ASIC2: variants seen among roughly 807,000 people sequenced by gnomAD.
ASIC2 encodes the protein acid sensing ion channel subunit 2, also known as acid-sensing ion channel 2.
ASIC2 carries 25 observed loss-of-function variants against 57.3 expected under a neutral mutation model. The observed-to-expected ratio is 0.44, with a 90% CI of 0.32 to 0.61. The LOEUF (loss-of-function observed/expected upper bound fraction) is 0.61. Ranked by LOEUF, ASIC2 falls within the 20% of genes least tolerant of loss-of-function variation. The probability of loss-of-function intolerance (pLI) is 0.06; values close to 1 mark genes in which losing one functional copy is unlikely to be tolerated. For synonymous variants in ASIC2, 319 were observed against 307.5 expected (o/e 1.04, Z -0.39); for missense variants, 641 against 738.1 (o/e 0.87, Z 1.52).
intron 1 of ASIC2, among the ~76,000 whole-genome samples, chr17:33,238,653 T>C (rs1908386536): frequency 6.6e-6 from 1 of 152,172 alleles, no homozygotes; most frequent in African/African-American, 2.4e-5. Context: ...CTCAGGGCCT[T>C]TGCGTTTGCT....
At chr17:33,662,442 G>A (rs1327378854) in intron 1 of ASIC2, among the ~76,000 whole-genome samples, 1 of 151,018 alleles carries the variant, frequency 6.6e-6, no homozygotes, top group East Asian at 2.0e-4. Flanking sequence ...CCAACAAAGT[G>A]AAACCCCATC....
chr17:33,520,868 G>A (rs1009424256), intron 1 of ASIC2, among the ~76,000 whole-genome samples: 2 of 152,126 alleles, frequency 1.3e-5, no homozygotes, highest in African/African-American at 4.8e-5. Context: ...TGACATTCAG[G>A]CCCTGGGGTT....
At chr17:33,652,747 T>C (rs1438553460) in intron 1 of ASIC2, among the ~76,000 whole-genome samples, 1 of 152,238 alleles carries the variant, frequency 6.6e-6, no homozygotes, top group Admixed American at 6.5e-5. Context: ...TCAGGGAAGC[T>C]GCCGCCTTGG....
intron 1 of ASIC2, among the ~76,000 whole-genome samples, chr17:34,025,081 C>T (rs1247013720): frequency 6.6e-6 from 1 of 152,190 alleles, no homozygotes; most frequent in Non-Finnish European, 1.5e-5. Flanking sequence ...AAGGAAGCAA[C>T]ACTGCTCAGG....
intron 1 of ASIC2, among the ~76,000 whole-genome samples, chr17:33,627,636 T>C (rs1337887063): frequency 6.6e-6 from 1 of 152,252 alleles, no homozygotes; most frequent in Non-Finnish European, 1.5e-5. Flanking sequence ...AGCTTCCTGA[T>C]TCCTGTTAAG....
chr17:33,026,100 C>T (rs2091858369), intron 4 of ASIC2, 118 bp from the exon 5 acceptor site: 1 of 1,092,142 alleles, frequency 9.2e-7, no homozygotes, highest in African/African-American at 1.6e-5. Context: ...GGGCAGCGGC[C>T]TGCCAGTGGG....
intron 1 of ASIC2, among the ~76,000 whole-genome samples, chr17:33,220,967 G>C (rs945250043): frequency 4.6e-5 from 7 of 152,196 alleles, no homozygotes; most frequent in African/African-American, 1.4e-4. Context: ...AGCTACTCTG[G>C]AGGCTGAGGT....
chr17:33,142,890 C>T (rs537917803), intron 1 of ASIC2, among the ~76,000 whole-genome samples: 164 of 152,252 alleles, frequency 1.1e-3, no homozygotes, highest in Non-Finnish European at 2.0e-3. Flanking sequence ...TTGGTGTGGC[C>T]AGATGAAAGG....
chr17:33,729,038 G>T (rs985211856), intron 1 of ASIC2, among the ~76,000 whole-genome samples: 1 of 152,130 alleles, frequency 6.6e-6, no homozygotes, highest in Non-Finnish European at 1.5e-5. Flanking sequence ...GGAAGAAAAG[G>T]AAAATCACCT....
intron 1 of ASIC2, among the ~76,000 whole-genome samples, chr17:33,729,524 T>C (rs568611512): frequency 6.6e-6 from 1 of 152,274 alleles, no homozygotes; most frequent in African/African-American, 2.4e-5. Context: ...GATTCTGGAG[T>C]CTTCTAAGTG....
intron 1 of ASIC2, among the ~76,000 whole-genome samples, chr17:33,397,830 T>C (rs950078972): frequency 5.9e-5 from 9 of 152,246 alleles, no homozygotes; most frequent in African/African-American, 1.7e-4. Flanking sequence ...TTTGATTTGC[T>C]CTTCATGTTG....
chr17:34,041,900 T>C (rs1567798244), intron 1 of ASIC2, among the ~76,000 whole-genome samples: 1 of 152,214 alleles, frequency 6.6e-6, no homozygotes, highest in Non-Finnish European at 1.5e-5. Flanking sequence ...AACCTGATCA[T>C]GTCCCTTATG....
At chr17:33,466,873 C>T (rs1027418578) in intron 1 of ASIC2, among the ~76,000 whole-genome samples, 7 of 152,128 alleles carry the variant, frequency 4.6e-5, no homozygotes, top group Non-Finnish European at 8.8e-5. Flanking sequence ...AAATGTTAGA[C>T]CTAAAACCAT....
At position 34,156,348 on chromosome 17, in the gene ASIC2, T is replaced by C; in HGVS notation, c.185A>G (p.Glu62Gly). The C allele has an allele frequency of 6.2e-7, 1 of 1,614,150 alleles. No homozygotes were observed. Among genetic ancestry groups the C allele is most frequent in the Non-Finnish European group, 8.5e-7 (1 of 1,180,028 alleles). Reference sequence around the variant, plus strand: ...GTAGGAGAAGTAGTAGGACACCCTCTCAGAGCTCTCCACCAGCAGCAGGCC... The same window carrying C: ...GTAGGAGAAGTAGTAGGACACCCTCCCAGAGCTCTCCACCAGCAGCAGGCC... Residue 62 changes from glutamate to glycine, a missense_variant, in exon 1 of 10, where the codon GAG becomes GGG. Transcript: ENST00000359872. The surrounding 1 kb of genome is among the most constrained non-coding windows in gnomAD (Gnocchi z 4.4).
At chr17:33,675,931 AT>A (rs1268291279) in intron 1 of ASIC2, among the ~76,000 whole-genome samples, 22 of 152,192 alleles carry the variant, frequency 1.4e-4, no homozygotes, top group African/African-American at 5.3e-4. Context: ...TTTTTTACAA[AT>A]TGAAAATTTG....
At chr17:33,709,606 C>T (rs1030918916) in intron 1 of ASIC2, among the ~76,000 whole-genome samples, 7 of 152,318 alleles carry the variant, frequency 4.6e-5, no homozygotes, top group African/African-American at 1.7e-4. Flanking sequence ...AGGTACCAAT[C>T]TATGGTACCT....
At chr17:33,022,378 T>C (rs199858058) in intron 6 of ASIC2, among the ~76,000 whole-genome samples, 15 of 152,220 alleles carry the variant, frequency 9.9e-5, no homozygotes. Flanking sequence ...CCGCTGGGCA[T>C]TGCGGACACA....
chr17:33,380,210 C>A (rs1305050853), intron 1 of ASIC2, among the ~76,000 whole-genome samples: 2 of 131,970 alleles, frequency 1.5e-5, no homozygotes, highest in African/African-American at 2.9e-5. Flanking sequence ...CGCGCCACTG[C>A]ACTCCAGCCC....
rs561051793 is a variant in ASIC2, at chr17:33,111,789, G to T, written c.859+128C>A. The stretch of plus-strand genomic sequence containing the variant: ...CCAGGGACATCTTTATGATCTAGCA[G>T]CATGTCACAAACCCCTTGCTGGAGA... On this transcript the variant is annotated intron_variant, in intron 2 of 9. Coordinates refer to ENST00000225823, the MANE Select transcript of ASIC2 (RefSeq NM_183377.2). 1.1e-4 allele frequency: 149 copies of T among 1,323,614 alleles called. 1 individual carries two copies. In the East Asian group the frequency reaches 3.8e-3, roughly 34 times the overall value. 82.0% of individuals were successfully genotyped at this position (1,323,614 alleles called of 1,614,324 possible).
Sources: allele counts gnomAD v4.1 joint callset (sites outside exome capture counted in the v4.1 genomes callset), GRCh38; gene constraint gnomAD v4.1.1; non-coding constraint Gnocchi (gnomAD v3.1); transcripts MANE v1.5; gene names NCBI Gene and HGNC (gene_info 2026-07-23, HGNC 2026-07-21).